The following WDPCP variants were observed in gnomAD, a reference collection of about 807,000 sequenced individuals.
WDPCP encodes the protein WD repeat containing planar cell polarity effector.
In WDPCP, 71 loss-of-function variants were observed where a neutral mutation model predicts 93.1. That is an observed-to-expected ratio of 0.76 (90% CI 0.63 to 0.93). The LOEUF (loss-of-function observed/expected upper bound fraction) is 0.93, where lower values mean the gene tolerates loss of function less well. Among genes scored for constraint, WDPCP ranks in the 40% least tolerant of loss-of-function variants. The pLI is 0.00. For missense variants in WDPCP, 844 were observed against 887.4 expected (o/e 0.95, Z 0.62); for synonymous variants, 315 against 315.0 (o/e 1.00, Z 0.00).
intron 2 of WDPCP, among the ~76,000 whole-genome samples, chr2:63,671,044 C>T (rs1710339718): frequency 6.6e-6 from 1 of 152,196 alleles, no homozygotes; most frequent in South Asian, 2.1e-4. Flanking sequence ...ACCTTTAATT[C>T]TGTCCCTACT....
At chr2:63,323,763 A>G (rs1178731699) in intron 12 of WDPCP, among the ~76,000 whole-genome samples, 1 of 152,022 alleles carries the variant, frequency 6.6e-6, no homozygotes, top group African/African-American at 2.4e-5. Context: ...GCAAGGGTGC[A>G]GGTTTTCGAG....
At chr2:63,622,066 C>CTTTTTTTTTT (rs33925505) in intron 3 of WDPCP, 3 of 529,128 alleles carry the variant, frequency 5.7e-6, no homozygotes, top group Non-Finnish European at 5.5e-6. Flanking sequence ...TTTCTTTTTT[C>CTTTTTTTTTT]TTTTTTTTTT....
At chr2:63,247,011 T>A (rs903078827) in intron 14 of WDPCP, among the ~76,000 whole-genome samples, 7 of 152,156 alleles carry the variant, frequency 4.6e-5, no homozygotes, top group Admixed American at 3.9e-4. Flanking sequence ...TAGAGCAGCA[T>A]GAACAAGAAA....
At position 63,678,070 on chromosome 2, in the gene WDPCP, A is replaced by G. The variant is rs1450482419; in HGVS notation, n.309-27232T>C. The stretch of plus-strand genomic sequence containing the variant: ...GTATTTGAAAACTAAATAAAGCTTG[A>G]AAATAGGGGTTCATTTTTCTAATAT... On this transcript the variant is annotated intron_variant and non_coding_transcript_variant, in intron 2 of 4. Transcript: ENST00000467687. Among the ~76,000 whole-genome samples, 6 of 152,320 alleles carry G rather than the reference A, an allele frequency of 3.9e-5. No homozygotes were observed. The East Asian group carries it at 9.6e-4, about 24-fold the overall frequency.
chr2:63,330,623 T>C (rs1469429932), intron 12 of WDPCP, among the ~76,000 whole-genome samples: 2 of 152,180 alleles, frequency 1.3e-5, no homozygotes, highest in African/African-American at 4.8e-5. Flanking sequence ...TTGTTGCCTA[T>C]GATTCTGATA....
intron 2 of WDPCP, among the ~76,000 whole-genome samples, chr2:63,740,175 T>C (rs1353934947): frequency 6.6e-6 from 1 of 152,122 alleles, no homozygotes; most frequent in Non-Finnish European, 1.5e-5. Context: ...GCTGCACATA[T>C]ATGTGTACTT....
chr2:63,138,747 C>T (rs756023735), intron 17 of WDPCP, among the ~76,000 whole-genome samples: 19 of 152,066 alleles, frequency 1.2e-4, no homozygotes, highest in African/African-American at 2.2e-4. Context: ...CCACCGTGCC[C>T]GGCACATGAG....
chr2:63,622,502 T>C (rs1215534063), intron 3 of WDPCP: 1 of 1,613,840 alleles, frequency 6.2e-7, no homozygotes, highest in Admixed American at 1.7e-5. Flanking sequence ...AAACACATCG[T>C]TCCTCCACCA....
intron 1 of WDPCP, among the ~76,000 whole-genome samples, chr2:63,539,553 G>A (rs185598919): frequency 2.0e-5 from 3 of 152,294 alleles, no homozygotes; most frequent in African/African-American, 4.8e-5. Context: ...TTAGCCAGGT[G>A]TGGTGGCGCA....
At chr2:63,275,303 G>A (rs140105184) in intron 13 of WDPCP, among the ~76,000 whole-genome samples, 2 of 152,080 alleles carry the variant, frequency 1.3e-5, no homozygotes, top group East Asian at 3.9e-4. Flanking sequence ...TATAATAAAG[G>A]CCATATATGA....
At chr2:63,717,501 A>AGAAT (rs1669356158) in intron 2 of WDPCP, 2 of 436,434 alleles carry the variant, frequency 4.6e-6, no homozygotes, top group Non-Finnish European at 8.9e-6. Context: ...AGCATTTAAG[A>AGAAT]GAATACATCT....
chr2:63,599,663 C>G (rs955813932), intron 3 of WDPCP: 2 of 153,210 alleles, frequency 1.3e-5, no homozygotes, highest in Non-Finnish European at 2.9e-5. Context: ...AAGACTTGAG[C>G]TTTGTGTGAT....
At position 63,608,055 on chromosome 2, in the gene WDPCP, C is replaced by G. The variant is rs569211676; in HGVS notation, n.488+42604G>C. ...AACATTACCTACGTTGAACAAATAC[C>G]ATATTTTTAAAATCTTAAAGGTTTA... is the stretch of plus-strand genomic sequence containing the variant. On this transcript the variant is annotated intron_variant and non_coding_transcript_variant, in intron 3 of 4. Coordinates refer to the WDPCP transcript ENST00000467687. Among the ~76,000 whole-genome samples, 7 of 151,944 alleles carry G rather than the reference C, an allele frequency of 4.6e-5. No homozygotes were observed. The South Asian group carries it at 1.5e-3, about 32-fold the overall frequency.
chr2:63,531,545 A>T (rs556727804), intron 1 of WDPCP, among the ~76,000 whole-genome samples: 5 of 152,326 alleles, frequency 3.3e-5, no homozygotes, highest in Admixed American at 3.3e-4. Context: ...GCTGTTCTGC[A>T]GCCTCCACTG....
intron 13 of WDPCP, among the ~76,000 whole-genome samples, chr2:63,263,098 A>G (rs1681785483): frequency 6.6e-6 from 1 of 152,190 alleles, no homozygotes; most frequent in Non-Finnish European, 1.5e-5. Context: ...CTATAATTCC[A>G]TGCCCCTGAG....
intron 14 of WDPCP, among the ~76,000 whole-genome samples, chr2:63,204,632 G>C (rs1350848859): frequency 6.6e-6 from 1 of 152,158 alleles, no homozygotes; most frequent in Non-Finnish European, 1.5e-5. Flanking sequence ...ATGAGCCACT[G>C]CGCCTGGCCT....
chr2:63,188,568 A>G (rs546007406), intron 14 of WDPCP, among the ~76,000 whole-genome samples: 114 of 152,052 alleles, frequency 7.5e-4, no homozygotes, highest in African/African-American at 2.7e-3. Flanking sequence ...TCCTGAGCTC[A>G]AGCAATCCTC....
At chr2:63,436,393 T>C (rs1697136850) in intron 8 of WDPCP, among the ~76,000 whole-genome samples, 1 of 152,074 alleles carries the variant, frequency 6.6e-6, no homozygotes, top group South Asian at 2.1e-4. Flanking sequence ...ACATTAAAAA[T>C]CTTTTTTTAA....
chr2:63,811,145 G>A (rs1457908381), intron 2 of WDPCP, among the ~76,000 whole-genome samples: 1 of 152,234 alleles, frequency 6.6e-6, no homozygotes, highest in African/African-American at 2.4e-5. Flanking sequence ...CCCAAGGACA[G>A]AGAAGACTGT....
Sources: gnomAD v4.1 joint callset for allele counts (sites outside exome capture counted in the v4.1 genomes callset) on GRCh38, gnomAD v4.1.1 for gene constraint, MANE v1.5 for transcripts, NCBI Gene and HGNC (gene_info 2026-07-23, HGNC 2026-07-21) for gene names.